Variants in MED26 observed in about 807,000 individuals in gnomAD.
The protein encoded by MED26 is mediator complex subunit 26, also known as mediator of RNA polymerase II transcription subunit 26.
In MED26, 7 loss-of-function variants were observed where a neutral mutation model predicts 43.7. The observed-to-expected ratio is 0.16, with a 90% CI of 0.09 to 0.30. The LOEUF (loss-of-function observed/expected upper bound fraction) is 0.30. Ranked by LOEUF, MED26 falls within the 10% of genes least tolerant of loss-of-function variation. MED26 has a pLI of 1.00. For missense variants in MED26, 784 were observed against 840.6 expected, an observed-to-expected ratio of 0.93 and a Z score of 0.83; for synonymous variants, 375 against 371.1, an observed-to-expected ratio of 1.01 and a Z score of -0.12.
chr19:16,584,516 C>T (rs774369527), intron 1 of MED26, among the ~76,000 whole-genome samples: 1 of 152,152 alleles, frequency 6.6e-6, no homozygotes, highest in Non-Finnish European at 1.5e-5. Context: ...GCCAGCACCC[C>T]TCAGAAGCAG....
intron 1 of MED26, among the ~76,000 whole-genome samples, chr19:16,582,764 G>T (rs2086052156): frequency 6.6e-6 from 1 of 152,254 alleles, no homozygotes; most frequent in East Asian, 1.9e-4. Context: ...AGAACGAGCT[G>T]TGTCCACCTG....
chr19:16,615,625 A>G (rs1233046011), intron 1 of MED26, among the ~76,000 whole-genome samples: 1 of 152,122 alleles, frequency 6.6e-6, no homozygotes. Context: ...AGGCGCCTGT[A>G]ATCCCAGCAA....
chr19:16,599,548 C>T (rs2086138708), intron 1 of MED26, among the ~76,000 whole-genome samples: 1 of 152,156 alleles, frequency 6.6e-6, no homozygotes, highest in Admixed American at 6.5e-5. Flanking sequence ...CACCCAGAAT[C>T]CCATATTAAA....
In MED26 at chr19:16,575,211, A is replaced by G. The variant is rs1332604692; in HGVS notation, c.*816T>C. 3 of 152,402 alleles carry G rather than the reference A, an allele frequency of 2.0e-5. No homozygotes were observed. The highest frequency in any genetic ancestry group is 4.4e-5 in the Non-Finnish European group (3 of 67,988). 9.4% of individuals were successfully genotyped at this position (152,402 alleles called of 1,614,324 possible). A position where few individuals can be genotyped will look rare whatever the true frequency, so the allele number is the denominator to read the frequency against. On this transcript the variant is annotated 3_prime_UTR_variant, in exon 3 of 3. Coordinates refer to ENST00000263390, the MANE Select transcript of MED26 (RefSeq NM_004831.5). ...ATAACTTTTGTGTTGTTTTGGGGGG[A>G]CTCTAGAAAGGTGAAGTTTTCTAGA...
At chr19:16,610,838 T>C (rs2086196270) in intron 1 of MED26, 4 of 152,172 alleles carry the variant, frequency 2.6e-5, no homozygotes, top group Admixed American at 2.6e-4. Flanking sequence ...GGGCATGGGC[T>C]CTGTATAATG....
chr19:16,625,694 G>A (rs2086271506), intron 1 of MED26, among the ~76,000 whole-genome samples: 1 of 152,186 alleles, frequency 6.6e-6, no homozygotes. Flanking sequence ...ATTGATCCAA[G>A]AGAAACTGCA....
intron 1 of MED26, chr19:16,589,524 A>C (rs1568282511): frequency 2.0e-5 from 3 of 152,118 alleles, no homozygotes; most frequent in Non-Finnish European, 4.4e-5. Context: ...ACACAAAAAA[A>C]CACATTTTTT....
chr19:16,616,354 C>CA (rs1195685490), intron 1 of MED26, among the ~76,000 whole-genome samples: 13 of 152,212 alleles, frequency 8.5e-5, no homozygotes, highest in African/African-American at 2.2e-4. Context: ...GTCCTCCACC[C>CA]AGGAGAAAGA....
intron 1 of MED26, chr19:16,597,479 A>T: frequency 2.5e-6 from 1 of 398,646 alleles, no homozygotes; most frequent in Non-Finnish European, 4.4e-6. Context: ...TTAAGGTTAG[A>T]CAACAGAAAC....
chr19:16,621,653 C>T (rs1325548219), intron 1 of MED26, among the ~76,000 whole-genome samples: 2 of 152,092 alleles, frequency 1.3e-5, no homozygotes, highest in Non-Finnish European at 2.9e-5. Flanking sequence ...ATCGCAGAAC[C>T]TCCCGGTACT....
intron 1 of MED26, among the ~76,000 whole-genome samples, chr19:16,625,140 A>C (rs2086268583): frequency 6.6e-6 from 1 of 152,226 alleles, no homozygotes; most frequent in Non-Finnish European, 1.5e-5. Context: ...GCACGACGAA[A>C]AGAAAAGCTC....
intron 1 of MED26, among the ~76,000 whole-genome samples, chr19:16,603,663 G>A (rs1361161553): frequency 6.6e-6 from 1 of 152,108 alleles, no homozygotes; most frequent in Non-Finnish European, 1.5e-5. Flanking sequence ...GGTATGTGGG[G>A]GCCAGATGTA....
Position 16,609,418 on chromosome 19 carries a change from G to A in MED26, c.72+18454C>T, listed in dbSNP as rs191889033. The stretch of plus-strand genomic sequence containing the variant: ...AAAAGCTCAGCAAAAATCAACGGAA[G>A]CAGCTGGTGAGAAGCAATTGGCTAT... On this transcript the variant is annotated intron_variant, in intron 1 of 2. Coordinates refer to ENST00000263390, the MANE Select transcript of MED26 (RefSeq NM_004831.5). Among the ~76,000 whole-genome samples the A allele has an allele frequency of 2.0e-5, 3 of 150,280 alleles. No individual in the cohort carries two copies. In the East Asian group the frequency reaches 5.9e-4, roughly 29 times the overall value.
At chr19:16,583,410 C>T (rs1175195411) in intron 1 of MED26, among the ~76,000 whole-genome samples, 1 of 152,190 alleles carries the variant, frequency 6.6e-6, no homozygotes, top group African/African-American at 2.4e-5. Context: ...GTTGCCTCCC[C>T]TTTCTACCAA....
intron 1 of MED26, chr19:16,610,392 TTC>T (rs1208107598): frequency 7.9e-5 from 12 of 152,070 alleles, no homozygotes; most frequent in Admixed American, 7.9e-4. Context: ...TCCTTATAAT[TTC>T]TTTTTTTTTT....
At chr19:16,604,745 G>T (rs2086164598) in intron 1 of MED26, among the ~76,000 whole-genome samples, 1 of 152,218 alleles carries the variant, frequency 6.6e-6, no homozygotes, top group Non-Finnish European at 1.5e-5. Context: ...TCCTGGTCTT[G>T]ATAAGATGCA....
intron 1 of MED26, among the ~76,000 whole-genome samples, chr19:16,608,581 TTC>T (rs1180033095): frequency 2.6e-5 from 4 of 152,228 alleles, no homozygotes; most frequent in African/African-American, 9.6e-5. Context: ...TCCTGGGCCA[TTC>T]CATAACACTG....
chr19:16,611,515 C>A (rs1382538475), intron 1 of MED26: 1 of 152,102 alleles, frequency 6.6e-6, no homozygotes, highest in Non-Finnish European at 1.5e-5. Flanking sequence ...GCTAGAGCAG[C>A]CTACTTTTAT....
Position 16,577,361 on chromosome 19 carries a change from C to T in MED26, c.469G>A (p.Gly157Ser), listed in dbSNP as rs765975570. The change falls in exon 3 of 3, where the codon GGC (glycine) becomes AGC (serine). Residue 157 changes from glycine (G) to serine (S), a missense_variant. Around this residue, in one of 3 missense-constraint regions of MED26, gnomAD observed 719 missense variants for 730.9 expected, o/e 0.98. Transcript: ENST00000263390. The surrounding 1 kb of genome is among the most constrained non-coding windows in gnomAD (Gnocchi z 8.1). ...RKRRGDQRDL[G>S]HPGPPPKVSK... ...ACCTTGGGTGGCGGCCCTGGGTGGC[C>T]GAGGTCACGCTGGTCACCCCGGCGC... The T allele has an allele frequency of 9.9e-6, 16 of 1,611,238 alleles. No homozygotes were observed. The highest frequency in any genetic ancestry group is 2.2e-5 in the South Asian group (2 of 91,044).
Sources: gnomAD v4.1 joint callset for allele counts (sites outside exome capture counted in the v4.1 genomes callset) on GRCh38, gnomAD v4.1.1 for gene constraint, gnomAD v4.1.1 regional missense constraint, Gnocchi (gnomAD v3.1) non-coding constraint, MANE v1.5 for transcripts, NCBI Gene and HGNC (gene_info 2026-07-23, HGNC 2026-07-21) for gene names.